Variants in PTPRG observed in about 807,000 individuals in gnomAD.
PTPRG encodes protein tyrosine phosphatase receptor type G, also known as receptor-type tyrosine-protein phosphatase gamma.
In PTPRG, 102 loss-of-function variants were observed where a neutral mutation model predicts 165.3. The observed-to-expected ratio is 0.62, with a 90% CI of 0.53 to 0.73. PTPRG has a LOEUF of 0.73. PTPRG is among the 30% of genes least tolerant of loss of function. PTPRG has a pLI of 0.00. For missense variants in PTPRG, 1,866 were observed against 1,861.4 expected, an observed-to-expected ratio of 1.00 and a Z score of -0.05; for synonymous variants, 675 against 669.5, an observed-to-expected ratio of 1.01 and a Z score of -0.13.
chr3:62,177,479 T>C (rs1487347703), intron 8 of PTPRG, among the ~76,000 whole-genome samples: 1 of 152,228 alleles, frequency 6.6e-6, no homozygotes, highest in African/African-American at 2.4e-5. Flanking sequence ...GACATGATCA[T>C]TGGAGAACGT....
intron 1 of PTPRG, among the ~76,000 whole-genome samples, chr3:61,727,918 G>C (rs2032329802): frequency 6.6e-6 from 1 of 152,170 alleles, no homozygotes; most frequent in African/African-American, 2.4e-5. Flanking sequence ...TTTTGCTTTG[G>C]TCTGGTATGG....
chr3:61,703,338 C>T (rs2031077314), intron 1 of PTPRG, among the ~76,000 whole-genome samples: 1 of 152,016 alleles, frequency 6.6e-6, no homozygotes, highest in African/African-American at 2.4e-5. Context: ...TTGATTTAGC[C>T]GAAAGGGTTG....
At chr3:61,908,411 C>CAAA (rs776421819) in intron 2 of PTPRG, among the ~76,000 whole-genome samples, 28 of 57,680 alleles carry the variant, frequency 4.9e-4, no homozygotes, top group Admixed American at 2.1e-3. Context: ...GGCAACAGAG[C>CAAA]AAAAAAAAAA....
intron 2 of PTPRG, among the ~76,000 whole-genome samples, chr3:61,791,424 C>G (rs763424754): frequency 6.6e-6 from 1 of 152,212 alleles, no homozygotes; most frequent in Non-Finnish European, 1.5e-5. Context: ...CTTAGATAAC[C>G]TGTTTGAGGC....
chr3:61,609,207 C>G (rs373817304), intron 1 of PTPRG, among the ~76,000 whole-genome samples: 15 of 152,154 alleles, frequency 9.9e-5, no homozygotes, highest in African/African-American at 3.1e-4. Context: ...GCTAACCATC[C>G]CTCTATACCT....
chr3:61,934,420 G>A (rs545984163), intron 2 of PTPRG, among the ~76,000 whole-genome samples: 3 of 151,928 alleles, frequency 2.0e-5, no homozygotes, highest in African/African-American at 7.2e-5. Flanking sequence ...CTGTTTTTCT[G>A]CTGTAACAAT....
At chr3:62,144,640 G>C (rs1489654430) in intron 6 of PTPRG, among the ~76,000 whole-genome samples, 3 of 152,140 alleles carry the variant, frequency 2.0e-5, no homozygotes, top group Admixed American at 2.0e-4. Context: ...GATCCAGGAA[G>C]GACTGATGCT....
At chr3:61,641,853 A>C (rs1446195965) in intron 1 of PTPRG, among the ~76,000 whole-genome samples, 1 of 152,140 alleles carries the variant, frequency 6.6e-6, no homozygotes, top group East Asian at 1.9e-4. Context: ...AGGTTTAAGG[A>C]TGGATGGGTC....
chr3:62,053,784 A>G (rs763231600), intron 4 of PTPRG, among the ~76,000 whole-genome samples: 4 of 152,194 alleles, frequency 2.6e-5, no homozygotes, highest in Non-Finnish European at 4.4e-5. Context: ...ACTAAAATAT[A>G]GATTTCCTCT....
intron 3 of PTPRG, among the ~76,000 whole-genome samples, chr3:62,001,111 A>G (rs554672408): frequency 1.6e-4 from 24 of 152,338 alleles, no homozygotes; most frequent in Non-Finnish European, 2.1e-4. Context: ...AAACAGTTCA[A>G]TGTTATCACT....
At chr3:62,181,003 A>G (rs958099072) in intron 8 of PTPRG, among the ~76,000 whole-genome samples, 7 of 152,206 alleles carry the variant, frequency 4.6e-5, no homozygotes, top group African/African-American at 1.7e-4. Context: ...GCTTTCTTCC[A>G]TGGTAATTGC....
intron 2 of PTPRG, among the ~76,000 whole-genome samples, chr3:61,910,837 G>C (rs1466210081): frequency 6.6e-6 from 1 of 152,164 alleles, no homozygotes; most frequent in East Asian, 1.9e-4. Context: ...GATTAAAACT[G>C]TCAGGGGCTT....
intron 2 of PTPRG, among the ~76,000 whole-genome samples, chr3:61,794,175 AC>A (rs1450495494): frequency 1.3e-5 from 2 of 151,092 alleles, no homozygotes; most frequent in Non-Finnish European, 2.9e-5. Flanking sequence ...CTTGTTTTCC[AC>A]CCCCATCTCC....
chr3:61,994,195 T>C (rs1399296000), intron 3 of PTPRG, among the ~76,000 whole-genome samples: 1 of 152,242 alleles, frequency 6.6e-6, no homozygotes, highest in Non-Finnish European at 1.5e-5. Flanking sequence ...AATCTTGCTG[T>C]TCCTAGCATT....
intron 1 of PTPRG, among the ~76,000 whole-genome samples, chr3:61,667,814 G>A (rs989424340): frequency 2.7e-5 from 4 of 149,834 alleles, no homozygotes; most frequent in African/African-American, 9.8e-5. Context: ...AAAAAAGTCA[G>A]TCTGGCTACT....
At chr3:61,657,394 C>A (rs1052131273) in intron 1 of PTPRG, among the ~76,000 whole-genome samples, 5 of 151,988 alleles carry the variant, frequency 3.3e-5, no homozygotes, top group African/African-American at 1.2e-4. Context: ...TGATGTTCTC[C>A]CAAAGGCAAG....
At chr3:62,127,278 A>G (rs1177126763) in intron 5 of PTPRG, among the ~76,000 whole-genome samples, 1 of 152,212 alleles carries the variant, frequency 6.6e-6, no homozygotes, top group Non-Finnish European at 1.5e-5. Flanking sequence ...GTTAGTGGTC[A>G]CTAGGATGTT....
chr3:61,788,609 T>G (rs1167638056), intron 2 of PTPRG, among the ~76,000 whole-genome samples: 1 of 152,202 alleles, frequency 6.6e-6, no homozygotes, highest in African/African-American at 2.4e-5. Context: ...AAATAAAGAT[T>G]GTTTCTTTTT....
chr3:61,842,314 A>G (rs1265179292), intron 2 of PTPRG, among the ~76,000 whole-genome samples: 1 of 152,214 alleles, frequency 6.6e-6, no homozygotes, highest in Non-Finnish European at 1.5e-5. Context: ...TTTCACTGCA[A>G]CACATACATG....
Sources: allele counts gnomAD v4.1 joint callset (sites outside exome capture counted in the v4.1 genomes callset), GRCh38; gene constraint gnomAD v4.1.1; transcripts MANE v1.5; gene names NCBI Gene and HGNC (gene_info 2026-07-23, HGNC 2026-07-21).